The following PRKX variants were observed in gnomAD, a reference collection of about 807,000 sequenced individuals.
PRKX encodes the protein cAMP-dependent protein kinase catalytic subunit PRKX.
Under a neutral mutation model 22.0 loss-of-function variants are expected in PRKX, and 12 were observed. The observed-to-expected ratio is 0.54, with a 90% CI of 0.35 to 0.88. The LOEUF is 0.88. Ranked by LOEUF, PRKX falls within the 40% of genes least tolerant of loss-of-function variation. The probability of loss-of-function intolerance (pLI) is 0.01; values close to 1 mark genes in which losing one functional copy is unlikely to be tolerated. For synonymous variants in PRKX, 134 were observed against 137.7 expected, an observed-to-expected ratio of 0.97 and a Z score of 0.19; for missense variants, 217 against 308.0, an observed-to-expected ratio of 0.70 and a Z score of 2.21.
chrX:3,638,692 C>G (rs1237905138), intron 4 of PRKX, among the ~76,000 whole-genome samples: 2 of 110,690 alleles, frequency 1.8e-5, no homozygotes, highest in East Asian at 5.7e-4. Flanking sequence ...TTATTGATAG[C>G]TAGATAGACA....
chrX:3,622,487 G>A lies in PRKX; in HGVS notation c.816-1171C>T, dbSNP rs764272980. Reference sequence around the variant, plus strand: ...ACGAACTTGGACTGAGCCACTCCCAGGTTCTGTGACAGACTGTGGAGTCTC... The same window carrying A: ...ACGAACTTGGACTGAGCCACTCCCAAGTTCTGTGACAGACTGTGGAGTCTC... On this transcript the variant is annotated intron_variant, in intron 5 of 8. Transcript: ENST00000262848. Among the ~76,000 whole-genome samples the A allele has an allele frequency of 2.3e-3, 256 of 111,078 alleles. 2 individuals carry two copies. The highest frequency in any genetic ancestry group is 4.6e-3 in the Middle Eastern group (1 of 216).
intron 7 of PRKX, among the ~76,000 whole-genome samples, chrX:3,614,287 G>T (rs1388948141): frequency 5.4e-5 from 6 of 111,808 alleles, no homozygotes; most frequent in Non-Finnish European, 1.1e-4. Flanking sequence ...GATCACTTGA[G>T]GTTAGGAGAT....
chrX:3,664,071 T>G, intron 2 of PRKX, among the ~76,000 whole-genome samples: 1 of 111,501 alleles, frequency 9.0e-6, no homozygotes. Context: ...TAGGGTCACA[T>G]GCACCCTCCC....
At chrX:3,650,401 G>A (rs1927297338) in intron 3 of PRKX, among the ~76,000 whole-genome samples, 1 of 104,928 alleles carries the variant, frequency 9.5e-6, no homozygotes, top group Non-Finnish European at 1.9e-5. Flanking sequence ...GGCGCCTGTA[G>A]TCCCAGCTAC....
chrX:3,692,278 C>G (rs1375851331), intron 1 of PRKX, among the ~76,000 whole-genome samples: 14 of 110,496 alleles, frequency 1.3e-4, no homozygotes, highest in Non-Finnish European at 2.1e-4. Context: ...TCCCTGGGCT[C>G]CACTCACCAC....
chrX:3,626,421 T>C lies in PRKX; in HGVS notation c.813A>G (p.Val271=). The change falls in exon 5 of 9, where the codon GTA becomes GTG. Residue 271 remains valine, a splice_region_variant and synonymous_variant. Transcript: ENST00000262848. ...IDFPRHLDFH[V]KDLIKKLLVV... ...GATGAGGCAAACGGTTTACTTACTT[T>C]ACATGGAAATCCAAATGTCTGGGGA... The C allele has an allele frequency of 8.3e-7, 1 of 1,201,115 alleles. No individual in the cohort carries two copies. The highest frequency in any genetic ancestry group is 3.0e-5 in the East Asian group (1 of 33,819).
intron 1 of PRKX, among the ~76,000 whole-genome samples, chrX:3,692,412 G>GT (rs2146606024): frequency 9.0e-6 from 1 of 110,861 alleles, no homozygotes; most frequent in African/African-American, 3.3e-5. Flanking sequence ...ACTGCCCGTA[G>GT]TATCGCCTGC....
intron 2 of PRKX, among the ~76,000 whole-genome samples, chrX:3,662,998 TAAAAAAA>T (rs56411206): frequency 3.8e-5 from 3 of 78,496 alleles, no homozygotes; most frequent in South Asian, 7.2e-4. Flanking sequence ...GCCCTGTCTT[TAAAAAAA>T]AAAAAAAAAA....
chrX:3,638,662 C>T (rs1301733488), intron 4 of PRKX, among the ~76,000 whole-genome samples: 1 of 111,534 alleles, frequency 9.0e-6, no homozygotes, highest in Non-Finnish European at 1.9e-5. Flanking sequence ...AAAAGACCAA[C>T]AGGCCGGTAG....
chrX:3,712,934 G>A, intron 1 of PRKX, among the ~76,000 whole-genome samples, 154 bp downstream of exon 1: 1 of 112,647 alleles, frequency 8.9e-6, no homozygotes, highest in South Asian at 3.6e-4. Context: ...GGAAGACCCG[G>A]GGCGCAGGTG....
chrX:3,659,151 T>A, intron 2 of PRKX, among the ~76,000 whole-genome samples: 1 of 108,775 alleles, frequency 9.2e-6, no homozygotes, highest in African/African-American at 3.4e-5. Context: ...TTCGGGAGGC[T>A]GAGGTGGGAA....
chrX:3,621,405 T>C, intron 5 of PRKX, 89 bp from the exon 6 acceptor site: 1 of 828,266 alleles, frequency 1.2e-6, no homozygotes, highest in Non-Finnish European at 1.8e-6. Context: ...AGATAAGATC[T>C]ATCTGACATG....
intron 7 of PRKX, among the ~76,000 whole-genome samples, chrX:3,614,477 G>A (rs1323841279): frequency 8.9e-6 from 1 of 112,044 alleles, no homozygotes; most frequent in African/African-American, 3.2e-5. Flanking sequence ...AACAGAGCAA[G>A]ACGCTGTCTC....
rs1477741806 is a variant in PRKX at position 3,605,453 on chromosome X, C to A, written c.*3516G>T. The A allele has an allele frequency of 9.4e-6, 1 of 106,894 alleles. No homozygotes were observed. The highest frequency in any genetic ancestry group is 3.4e-5 in the African/African-American group (1 of 29,557). 8.8% of individuals were successfully genotyped at this position (106,894 alleles called of 1,213,427 possible). On this transcript the variant is annotated 3_prime_UTR_variant, in exon 9 of 9. Coordinates refer to ENST00000262848, the MANE Select transcript of PRKX (RefSeq NM_005044.5). Reference sequence around the variant, plus strand: ...TGGGGTATTTGTGCAGCCTGAGGTGCACCTGGCTACAGAGTGGAGCCTTGG... The same window carrying A: ...TGGGGTATTTGTGCAGCCTGAGGTGAACCTGGCTACAGAGTGGAGCCTTGG...
rs189136881 is a variant in PRKX at position 3,642,079 on chromosome X, C to G, written c.600-108G>C. ...AATAACTTCGTTGAGTAAAACCACG[C>G]TCCGTTTACCCTCCTGTGCACATAT... On this transcript the variant is annotated intron_variant, in intron 3 of 8. Transcript: ENST00000262848. 32 of 934,784 alleles carry G rather than the reference C, an allele frequency of 3.4e-5. No individual in the cohort carries two copies. In the East Asian group the frequency reaches 5.7e-4, roughly 17 times the overall value. 77.0% of individuals were successfully genotyped at this position (934,784 alleles called of 1,213,427 possible).
intron 5 of PRKX, among the ~76,000 whole-genome samples, chrX:3,621,694 C>T (rs1926561039): frequency 8.9e-6 from 1 of 112,322 alleles, no homozygotes; most frequent in Non-Finnish European, 1.9e-5. Context: ...AACATCAACA[C>T]TCACGCGCTG....
chrX:3,691,330 C>T lies in PRKX; in HGVS notation c.167-16564G>A, dbSNP rs182486218. Among the ~76,000 whole-genome samples the T allele has an allele frequency of 3.1e-3, 349 of 111,218 alleles. 1 individual carries two copies. Among genetic ancestry groups the T allele is most frequent in the Non-Finnish European group, 4.3e-3 (227 of 53,098 alleles). ...ACTAGGGAGGGAAGCAAGAACTCGC[C>T]GTGCCTCAAGGAATGTAAAACGATG... On this transcript the variant is annotated intron_variant, in intron 1 of 8. Transcript: ENST00000262848.
chrX:3,636,848 G>A (rs2146569114), intron 4 of PRKX, among the ~76,000 whole-genome samples: 1 of 110,306 alleles, frequency 9.1e-6, no homozygotes, highest in South Asian at 3.9e-4. Context: ...GTGACAGAGC[G>A]AGACAAGAAA....
At chrX:3,673,569 C>T (rs775247502) in intron 2 of PRKX, among the ~76,000 whole-genome samples, 3 of 110,158 alleles carry the variant, frequency 2.7e-5, no homozygotes, top group African/African-American at 9.9e-5. Context: ...GGCAGAGAGA[C>T]GGGACCCAGA....
Sources: gnomAD v4.1 joint callset for allele counts (sites outside exome capture counted in the v4.1 genomes callset) on GRCh38, gnomAD v4.1.1 for gene constraint, MANE v1.5 for transcripts, NCBI Gene and HGNC (gene_info 2026-07-23, HGNC 2026-07-21) for gene names.